NSG1: variants seen among roughly 807,000 people sequenced by gnomAD.
NSG1 encodes the protein neuronal vesicle trafficking-associated protein 1.
In NSG1, 9 loss-of-function variants were observed where a neutral mutation model predicts 19.3. The observed-to-expected ratio is 0.47, with a 90% CI of 0.28 to 0.81. The LOEUF (loss-of-function observed/expected upper bound fraction) is 0.81, where lower values mean the gene tolerates loss of function less well. Among genes scored for constraint, NSG1 ranks in the 40% least tolerant of loss-of-function variants. NSG1 has a pLI of 0.11. For missense variants in NSG1, 236 were observed against 242.4 expected, an observed-to-expected ratio of 0.97 and a Z score of 0.18; for synonymous variants, 104 against 107.0, an observed-to-expected ratio of 0.97 and a Z score of 0.17.
chr4:4,414,042 C>T (rs989162205), intron 4 of NSG1, among the ~76,000 whole-genome samples: 8 of 152,074 alleles, frequency 5.3e-5, no homozygotes, highest in South Asian at 2.1e-4. Context: ...AAGTCCCCAC[C>T]GAAACTGGCT....
At chr4:4,387,901 C>T (rs933544363) in intron 2 of NSG1, 143 bp downstream of exon 2, 5 of 700,972 alleles carry the variant, frequency 7.1e-6, no homozygotes, top group African/African-American at 5.4e-5. Flanking sequence ...GCGGCGAGGA[C>T]AGTGTACCCG....
intron 1 of NSG1, 43 bp from the exon 2 acceptor site, chr4:4,387,561 C>CCGGGGGGGG: frequency 4.3e-5 from 49 of 1,141,878 alleles, no homozygotes; most frequent in Admixed American, 6.9e-5. Flanking sequence ...CGCCCCGCCC[C>CCGGGGGGGG]GGGTCTTGCT....
intron 3 of NSG1, among the ~76,000 whole-genome samples, chr4:4,401,305 G>A (rs138895667): frequency 9.9e-4 from 151 of 152,310 alleles, no homozygotes; most frequent in African/African-American, 3.4e-3. Flanking sequence ...TCACAAAGTG[G>A]CAGTTGCTTC....
intron 4 of NSG1, chr4:4,415,768 G>A (rs895819779): frequency 3.5e-6 from 1 of 284,584 alleles, no homozygotes; most frequent in Non-Finnish European, 6.7e-6. Context: ...GGACTCTGCT[G>A]GGTGCCGAGG....
At chr4:4,402,039 C>A (rs887041417) in intron 3 of NSG1, among the ~76,000 whole-genome samples, 1 of 131,370 alleles carries the variant, frequency 7.6e-6, no homozygotes, top group African/African-American at 2.9e-5. Context: ...TACCCCCATG[C>A]CCAGCTAATT....
At chr4:4,387,561 C>CGGGGTT in intron 1 of NSG1, 43 bp from the exon 2 acceptor site, 1 of 1,141,990 alleles carries the variant, frequency 8.8e-7, no homozygotes, top group Non-Finnish European at 1.2e-6. Context: ...CGCCCCGCCC[C>CGGGGTT]GGGTCTTGCT....
chr4:4,401,953 T>A (rs1214598548), intron 3 of NSG1, among the ~76,000 whole-genome samples: 2 of 151,716 alleles, frequency 1.3e-5, no homozygotes, highest in African/African-American at 4.8e-5. Flanking sequence ...CCATCTCGGC[T>A]CACTTCAGCC....
At chr4:4,404,731 A>G (rs948455580) in intron 3 of NSG1, among the ~76,000 whole-genome samples, 21 of 152,186 alleles carry the variant, frequency 1.4e-4, no homozygotes, top group African/African-American at 4.8e-4. Context: ...GGGAGGGGGC[A>G]GGGACTTAGG....
At chr4:4,407,848 G>A (rs1009855684) in intron 3 of NSG1, among the ~76,000 whole-genome samples, 4 of 152,154 alleles carry the variant, frequency 2.6e-5, no homozygotes, top group Admixed American at 2.6e-4. Context: ...CTGCGAAGGT[G>A]CAGAGCTGCA....
chr4:4,417,414 A>C lies in NSG1; in HGVS notation c.537A>C (p.Glu179Asp). The change falls in exon 5 of 5, where the codon GAA becomes GAC. Residue 179 changes from glutamate (E) to aspartate (D), a missense_variant. Transcript: ENST00000621129. ...SEEKLSEQET[E>D]AAEKSA ...AGAAGCTGTCCGAGCAGGAGACTGA[A>C]GCGGCTGAGAAGTCAGCTTAGCGGG... 1 of 1,614,220 alleles carries C rather than the reference A, an allele frequency of 6.2e-7. No individual in the cohort carries two copies. Among genetic ancestry groups the C allele is most frequent in the Non-Finnish European group, 8.5e-7 (1 of 1,180,034 alleles).
chr4:4,388,752 G>T (rs1242155352), intron 2 of NSG1, among the ~76,000 whole-genome samples: 1 of 152,196 alleles, frequency 6.6e-6, no homozygotes, highest in Non-Finnish European at 1.5e-5. Flanking sequence ...GTGGGGTGGG[G>T]GTGTCCTGGT....
intron 4 of NSG1, chr4:4,416,228 G>C: frequency 1.4e-6 from 1 of 701,996 alleles, no homozygotes; most frequent in Middle Eastern, 2.5e-4. Flanking sequence ...TGGCTCCAAA[G>C]CTTCCCTTCT....
intron 3 of NSG1, among the ~76,000 whole-genome samples, chr4:4,404,735 A>T (rs999849191): frequency 2.0e-5 from 3 of 152,164 alleles, no homozygotes; most frequent in Non-Finnish European, 4.4e-5. Context: ...GGGGGCAGGG[A>T]CTTAGGAAAG....
chr4:4,413,876 T>G (rs943215537), intron 4 of NSG1, among the ~76,000 whole-genome samples: 4 of 151,694 alleles, frequency 2.6e-5, no homozygotes, highest in Admixed American at 2.0e-4. Context: ...ACTGGAGAAC[T>G]GATTTAATCT....
intron 3 of NSG1, among the ~76,000 whole-genome samples, chr4:4,402,411 G>A (rs1041349206): frequency 3.4e-5 from 3 of 88,558 alleles, no homozygotes; most frequent in East Asian, 3.9e-4. Flanking sequence ...TTTTTGAGAC[G>A]GAGTCTTGCT....
chr4:4,409,418 A>G (rs952001677), intron 3 of NSG1, among the ~76,000 whole-genome samples, 155 bp from the exon 4 acceptor site: 1 of 152,220 alleles, frequency 6.6e-6, no homozygotes, highest in African/African-American at 2.4e-5. Flanking sequence ...GTGAACAGTG[A>G]TGCTTCTAAC....
In NSG1 at chr4:4,415,072, C is replaced by CT. The variant is rs201752401; in HGVS notation, c.358-2155dup. Among the ~76,000 whole-genome samples the CT allele has an allele frequency of 6.2e-4, 95 of 152,098 alleles. 3 individuals carry two copies. The East Asian group carries it at 0.016, about 25-fold the overall frequency. On this transcript the variant is annotated intron_variant, in intron 4 of 4. Transcript: ENST00000621129. ...GGCTTTTCCCTTTATATTGGCCATT[C>CT]TTTTTTTTCATGTAGACAGGTTACA...
chr4:4,408,014 T>C (rs116931647), intron 3 of NSG1, among the ~76,000 whole-genome samples: 1 of 152,082 alleles, frequency 6.6e-6, no homozygotes, highest in Non-Finnish European at 1.5e-5. Context: ...ATAGGACACT[T>C]TCTCACGTAC....
intron 2 of NSG1, 89 bp from the exon 3 acceptor site, chr4:4,391,386 A>G: frequency 1.3e-6 from 1 of 757,508 alleles, no homozygotes; most frequent in Non-Finnish European, 2.2e-6. Context: ...GCAAATGGTG[A>G]CTTTGAATAT....
Sources: allele counts gnomAD v4.1 joint callset (sites outside exome capture counted in the v4.1 genomes callset), GRCh38; gene constraint gnomAD v4.1.1; transcripts MANE v1.5; gene names NCBI Gene and HGNC (gene_info 2026-07-23, HGNC 2026-07-21).